The following PITPNC1 variants were observed in gnomAD, a reference collection of about 807,000 sequenced individuals.
PITPNC1 encodes the protein cytoplasmic phosphatidylinositol transfer protein 1.
In PITPNC1, 18 loss-of-function variants were observed where a neutral mutation model predicts 44.7. The ratio of observed to expected loss-of-function variants is 0.40; its 90% CI spans 0.28 to 0.60. The LOEUF (loss-of-function observed/expected upper bound fraction) is 0.60, where lower values mean the gene tolerates loss of function less well. Ranked by LOEUF, PITPNC1 falls within the 20% of genes least tolerant of loss-of-function variation. The probability of loss-of-function intolerance (pLI) is 0.39; values close to 1 mark genes in which losing one functional copy is unlikely to be tolerated. For synonymous variants in PITPNC1, 141 were observed against 149.6 expected (o/e 0.94, Z 0.42); for missense variants, 290 against 418.4 (o/e 0.69, Z 2.68).
At position 67,607,831 on chromosome 17, in the gene PITPNC1, C is replaced by T. The variant is rs558990909; in HGVS notation, c.367-24312C>T. On this transcript the variant is annotated intron_variant, in intron 5 of 8. Transcript: ENST00000581322. The stretch of plus-strand genomic sequence containing the variant: ...GCAACCTCTGCCTCCCGGGTTCAAG[C>T]GATTCTCCTGCCTCAGCTTCCCGAG... Among the ~76,000 whole-genome samples, 13 of 151,430 alleles carry T rather than the reference C, an allele frequency of 8.6e-5. No individual in the cohort carries two copies. The South Asian group carries it at 2.3e-3, about 27-fold the overall frequency.
At chr17:67,550,843 T>C (rs566971726) in intron 2 of PITPNC1, among the ~76,000 whole-genome samples, 12 of 152,210 alleles carry the variant, frequency 7.9e-5, no homozygotes, top group Admixed American at 6.5e-4. Flanking sequence ...GGGTGGATCA[T>C]GAGGTCAGGA....
chr17:67,500,039 T>C (rs904953093), intron 1 of PITPNC1, among the ~76,000 whole-genome samples: 2 of 152,258 alleles, frequency 1.3e-5, no homozygotes, highest in Non-Finnish European at 2.9e-5. Flanking sequence ...CCCTTGAATA[T>C]ATAAGTAGGC....
At chr17:67,418,157 G>A (rs1435706384) in intron 1 of PITPNC1, among the ~76,000 whole-genome samples, 1 of 152,192 alleles carries the variant, frequency 6.6e-6, no homozygotes, top group Non-Finnish European at 1.5e-5. Flanking sequence ...CCAGGCACAT[G>A]ACTTTATTCT....
chr17:67,395,999 C>T (rs970607685), intron 1 of PITPNC1, among the ~76,000 whole-genome samples: 2 of 152,156 alleles, frequency 1.3e-5, no homozygotes, highest in Non-Finnish European at 2.9e-5. Context: ...TAATAGTTCA[C>T]CTCTTTTGGA....
At position 67,665,845 on chromosome 17, in the gene PITPNC1, C is replaced by CT. The variant is rs11290420; in HGVS notation, c.463-3646dup. ...CCTTGGAGGGGATGACACTGAAGTA[C>CT]TTTTTTTTTTTTTTTTTGAGACAGA... On this transcript the variant is annotated intron_variant, in intron 6 of 8. Transcript: ENST00000581322. 4.4e-4 allele frequency among the ~76,000 whole-genome samples: 60 copies of CT among 135,738 alleles called. 1 individual carries two copies. The highest frequency in any genetic ancestry group is 7.4e-4 in the Admixed American group (10 of 13,548). The allele number at this position is 135,738 out of a possible 152,430, so 89.0% of individuals were successfully genotyped here.
rs568290811 is a variant in PITPNC1 at position 67,498,201 on chromosome 17, C to A, written c.49-34601C>A. On this transcript the variant is annotated intron_variant, in intron 1 of 8. Transcript: ENST00000581322. ...TTATGTTTATTATCCATGTGTATAT[C>A]ATCTTCAGAAACTGGCTCCCTCATA... 1.2e-3 allele frequency among the ~76,000 whole-genome samples: 178 copies of A among 152,242 alleles called. 1 individual carries two copies. The highest frequency in any genetic ancestry group is 2.0e-3 in the Non-Finnish European group (133 of 68,000).
chr17:67,680,732 CTT>C (rs1442294645), intron 8 of PITPNC1, among the ~76,000 whole-genome samples: 1 of 152,080 alleles, frequency 6.6e-6, no homozygotes, highest in Non-Finnish European at 1.5e-5. Context: ...TCACCCTAAG[CTT>C]TTTGTAAGAA....
chr17:67,527,232 TTAACTTGGTAAAGAAA>T (rs368008802), intron 1 of PITPNC1, among the ~76,000 whole-genome samples: 1 of 152,198 alleles, frequency 6.6e-6, no homozygotes, highest in African/African-American at 2.4e-5. Context: ...TTTAAAGCAT[TTAACTTGGTAAAGAAA>T]TAAGGGCTGA....
At chr17:67,425,948 C>G (rs1290665116) in intron 1 of PITPNC1, among the ~76,000 whole-genome samples, 1 of 152,180 alleles carries the variant, frequency 6.6e-6, no homozygotes, top group African/African-American at 2.4e-5. Context: ...ACAATAGGGT[C>G]AAGGAGTGAG....
intron 6 of PITPNC1, among the ~76,000 whole-genome samples, chr17:67,649,921 G>T (rs1373024894): frequency 1.3e-5 from 2 of 152,102 alleles, no homozygotes; most frequent in Non-Finnish European, 2.9e-5. Flanking sequence ...GGGACTTGGG[G>T]CTTCCGTGCC....
At chr17:67,493,932 T>C (rs1017424148) in intron 1 of PITPNC1, among the ~76,000 whole-genome samples, 26 of 152,204 alleles carry the variant, frequency 1.7e-4, no homozygotes, top group African/African-American at 6.3e-4. Context: ...ATACAAACCT[T>C]TCTTCCCATA....
At chr17:67,625,770 T>C (rs143975984) in intron 5 of PITPNC1, among the ~76,000 whole-genome samples, 1 of 152,142 alleles carries the variant, frequency 6.6e-6, no homozygotes, top group Non-Finnish European at 1.5e-5. Context: ...CAGAGGCCAC[T>C]CTTAACACCA....
chr17:67,406,203 C>T (rs574208342), intron 1 of PITPNC1, among the ~76,000 whole-genome samples: 1 of 152,200 alleles, frequency 6.6e-6, no homozygotes, highest in African/African-American at 2.4e-5. Context: ...TTTTCACAGG[C>T]GCGATCATCA....
intron 1 of PITPNC1, among the ~76,000 whole-genome samples, chr17:67,410,376 G>A (rs565372324): frequency 2.0e-5 from 3 of 152,208 alleles, no homozygotes; most frequent in African/African-American, 7.2e-5. Flanking sequence ...GGCTGGTTGA[G>A]GTAGTGGTTT....
At chr17:67,673,966 C>CAAAAAAAAAAAAAAAAAAA (rs34458518) in intron 7 of PITPNC1, among the ~76,000 whole-genome samples, 1 of 84,882 alleles carries the variant, frequency 1.2e-5, no homozygotes, top group Non-Finnish European at 2.2e-5. Context: ...GACTCCGTCT[C>CAAAAAAAAAAAAAAAAAAA]AAAAAAAAAA....
At chr17:67,617,122 A>G (rs1278088985) in intron 5 of PITPNC1, among the ~76,000 whole-genome samples, 1 of 152,184 alleles carries the variant, frequency 6.6e-6, no homozygotes. Flanking sequence ...ATTCATGAAT[A>G]TTTGGGACAG....
intron 4 of PITPNC1, among the ~76,000 whole-genome samples, chr17:67,558,204 G>A (rs1442049506): frequency 6.6e-6 from 1 of 152,012 alleles, no homozygotes; most frequent in African/African-American, 2.4e-5. Context: ...TTTCATCACT[G>A]TGAGTGACTG....
chr17:67,565,374 G>GT (rs1240977688), intron 4 of PITPNC1, among the ~76,000 whole-genome samples: 6 of 149,744 alleles, frequency 4.0e-5, no homozygotes, highest in Non-Finnish European at 8.9e-5. Context: ...ATGTTTTCCA[G>GT]TGTGTATACT....
In PITPNC1 at chr17:67,554,146, G is replaced by GA. The variant is rs200570495; in HGVS notation, c.294+536dup. 5.8e-3 allele frequency among the ~76,000 whole-genome samples: 867 copies of GA among 150,422 alleles called. 9 individuals are homozygous for GA. The highest frequency in any genetic ancestry group is 0.02 in the African/African-American group (825 of 40,986). On this transcript the variant is annotated intron_variant, in intron 4 of 8. Coordinates refer to ENST00000581322, the MANE Select transcript of PITPNC1 (RefSeq NM_012417.4). ...TCTAGGGTTATTACTTAGACTGAAA[G>GA]AAAAAAAGACAGAACCTATAATATC...
Sources: gnomAD v4.1 joint callset for allele counts (sites outside exome capture counted in the v4.1 genomes callset) on GRCh38, gnomAD v4.1.1 for gene constraint, MANE v1.5 for transcripts, NCBI Gene and HGNC (gene_info 2026-07-23, HGNC 2026-07-21) for gene names.